Variants in MACROD2 observed in about 807,000 individuals in gnomAD.
MACROD2 encodes mono-ADP ribosylhydrolase 2, also known as ADP-ribose glycohydrolase MACROD2.
MACROD2 carries 36 observed loss-of-function variants against 70.4 expected under a neutral mutation model. The ratio of observed to expected loss-of-function variants is 0.51; its 90% CI spans 0.39 to 0.68. The LOEUF (loss-of-function observed/expected upper bound fraction) is 0.68, where lower values mean the gene tolerates loss of function less well. MACROD2 is among the 30% of genes least tolerant of loss of function. The pLI is 0.00. For missense variants in MACROD2, 496 were observed against 538.4 expected, an observed-to-expected ratio of 0.92 and a Z score of 0.78; for synonymous variants, 172 against 178.8, an observed-to-expected ratio of 0.96 and a Z score of 0.30.
At chr20:14,924,248 GCCAAGC>G (rs201892677) in intron 5 of MACROD2, among the ~76,000 whole-genome samples, 2,602 of 152,066 alleles carry the variant, frequency 0.017, 67 homozygotes, top group African/African-American at 0.058. Flanking sequence ...ATCACTTGAG[GCCAAGC>G]CTGGCCAAAC....
chr20:14,179,701 G>A (rs1378903901), intron 3 of MACROD2, among the ~76,000 whole-genome samples: 3 of 152,022 alleles, frequency 2.0e-5, no homozygotes, highest in African/African-American at 4.8e-5. Flanking sequence ...GTTTGGGGAC[G>A]TTTTACCAAA....
chr20:14,569,169 T>C (rs1980016712), intron 4 of MACROD2, among the ~76,000 whole-genome samples: 1 of 152,070 alleles, frequency 6.6e-6, no homozygotes, highest in African/African-American at 2.4e-5. Flanking sequence ...TGGGCTGGTA[T>C]TTCTGACAGA....
At chr20:15,827,816 G>A (rs914645784) in intron 8 of MACROD2, among the ~76,000 whole-genome samples, 1 of 152,160 alleles carries the variant, frequency 6.6e-6, no homozygotes, top group African/African-American at 2.4e-5. Context: ...TGGTAGATGT[G>A]GCTCTGAAAT....
chr20:15,478,437 CT>C (rs899382935), intron 7 of MACROD2, among the ~76,000 whole-genome samples: 34 of 152,294 alleles, frequency 2.2e-4, no homozygotes, highest in African/African-American at 7.7e-4. Context: ...AACTTGTCTA[CT>C]GATGATGCAT....
chr20:15,219,001 G>T (rs175271), intron 5 of MACROD2, among the ~76,000 whole-genome samples: 41,145 of 151,792 alleles, frequency 0.27, 5,747 homozygotes, highest in Middle Eastern at 0.31. Context: ...ATCCGAGATA[G>T]CGCCACTGCA....
Position 15,316,655 on chromosome 20 carries a change from A to G in MACROD2, c.540+86594A>G, listed in dbSNP as rs78524513. Among the ~76,000 whole-genome samples the G allele has an allele frequency of 6.6e-3, 1,012 of 152,214 alleles. 10 individuals are homozygous for G. The highest frequency in any genetic ancestry group is 0.023 in the African/African-American group (956 of 41,568). On this transcript the variant is annotated intron_variant, in intron 6 of 17. Transcript: ENST00000684519. ...ATAGAACACTGAAATGGAGACCAAG[A>G]AGGACATAGAGAACTTGAATAGCAC...
intron 5 of MACROD2, among the ~76,000 whole-genome samples, chr20:15,100,978 A>G (rs913255823): frequency 2.0e-5 from 3 of 152,090 alleles, no homozygotes; most frequent in Non-Finnish European, 2.9e-5. Context: ...AAAAAAAGTA[A>G]CTTATTACCT....
intron 7 of MACROD2, among the ~76,000 whole-genome samples, chr20:15,450,013 TA>T (rs2046619451): frequency 6.6e-6 from 1 of 151,888 alleles, no homozygotes; most frequent in African/African-American, 2.4e-5. Flanking sequence ...AATAAACATA[TA>T]AAAATAAAAT....
At chr20:13,997,698 T>G (rs1001400769) in intron 1 of MACROD2, among the ~76,000 whole-genome samples, 3 of 152,176 alleles carry the variant, frequency 2.0e-5, no homozygotes, top group African/African-American at 7.2e-5. Context: ...AATGCACCAT[T>G]AAATAAGGCA....
chr20:15,234,047 T>C (rs1182476436), intron 6 of MACROD2, among the ~76,000 whole-genome samples: 1 of 73,230 alleles, frequency 1.4e-5, no homozygotes, highest in Non-Finnish European at 2.6e-5. Flanking sequence ...TTTTTTTTTT[T>C]TTGAGACGGA....
At chr20:15,210,493 C>T (rs2076752612) in intron 5 of MACROD2, among the ~76,000 whole-genome samples, 1 of 151,304 alleles carries the variant, frequency 6.6e-6, no homozygotes, top group Admixed American at 6.6e-5. Flanking sequence ...CATCTACTAA[C>T]TGTCATGCTC....
At chr20:15,445,705 C>T (rs1200018596) in intron 7 of MACROD2, among the ~76,000 whole-genome samples, 1 of 152,152 alleles carries the variant, frequency 6.6e-6, no homozygotes, top group Non-Finnish European at 1.5e-5. Context: ...TTTTTCATTT[C>T]TAAGATCATA....
At chr20:14,355,728 T>C (rs963076317) in intron 3 of MACROD2, among the ~76,000 whole-genome samples, 1 of 152,224 alleles carries the variant, frequency 6.6e-6, no homozygotes, top group East Asian at 1.9e-4. Flanking sequence ...CTCTGAGTAT[T>C]GTTATGCATA....
At chr20:14,415,017 CTCTT>C (rs2083789124) in intron 3 of MACROD2, among the ~76,000 whole-genome samples, 1 of 151,598 alleles carries the variant, frequency 6.6e-6, no homozygotes, top group South Asian at 2.1e-4. Flanking sequence ...TATTACCTGT[CTCTT>C]TCTACTAGGG....
chr20:14,401,779 A>G (rs968430999), intron 3 of MACROD2, among the ~76,000 whole-genome samples: 3 of 146,382 alleles, frequency 2.0e-5, no homozygotes, highest in African/African-American at 4.9e-5. Flanking sequence ...CTGCCATCAT[A>G]TACTTTAGTT....
intron 8 of MACROD2, among the ~76,000 whole-genome samples, chr20:15,543,585 A>T (rs1341187273): frequency 2.0e-5 from 3 of 150,258 alleles, no homozygotes; most frequent in Non-Finnish European, 3.0e-5. Context: ...CCAAGCAATG[A>T]GGTAAACCTC....
At chr20:15,668,117 G>T (rs1169007358) in intron 8 of MACROD2, among the ~76,000 whole-genome samples, 1 of 151,634 alleles carries the variant, frequency 6.6e-6, no homozygotes, top group Non-Finnish European at 1.5e-5. Flanking sequence ...AAAATTAGCT[G>T]GGCATGGTGG....
At position 14,482,872 on chromosome 20, in the gene MACROD2, G is replaced by A. The variant is rs183880071; in HGVS notation, c.272-10607G>A. 4.6e-5 allele frequency among the ~76,000 whole-genome samples: 7 copies of A among 152,328 alleles called. No individual in the cohort carries two copies. In the East Asian group the frequency reaches 1.2e-3, roughly 25 times the overall value. On this transcript the variant is annotated intron_variant, in intron 3 of 17. Transcript: ENST00000684519. ...CTTCTCTTATGGGAGGTGCTTAAGAGTGTGAACTTTCTAGTAACATTACAT... is the reference window on the plus strand; with the variant it reads ...CTTCTCTTATGGGAGGTGCTTAAGAATGTGAACTTTCTAGTAACATTACAT...
At chr20:14,862,667 AAATATATAT>A in intron 5 of MACROD2, among the ~76,000 whole-genome samples, 3 of 41,992 alleles carry the variant, frequency 7.1e-5, no homozygotes, top group Non-Finnish European at 1.2e-4. Flanking sequence ...ATATATATAT[AAATATATAT>A]AAATATATAT....
Sources: gnomAD v4.1 joint callset for allele counts (sites outside exome capture counted in the v4.1 genomes callset) on GRCh38, gnomAD v4.1.1 for gene constraint, MANE v1.5 for transcripts, NCBI Gene and HGNC (gene_info 2026-07-23, HGNC 2026-07-21) for gene names.